MIS18BP1: variants seen among roughly 807,000 people sequenced by gnomAD.
The protein encoded by MIS18BP1 is MIS18 binding protein 1, also known as mis18-binding protein 1.
A neutral mutation model predicts 116.1 loss-of-function variants in MIS18BP1; 72 were observed. The observed-to-expected ratio is 0.62, with a 90% CI of 0.51 to 0.75. The LOEUF is 0.75. Among genes scored for constraint, MIS18BP1 ranks in the 30% least tolerant of loss-of-function variants. The pLI is 0.00. For missense variants in MIS18BP1, 1,363 were observed against 1,303.2 expected, an observed-to-expected ratio of 1.05 and a Z score of -0.71; for synonymous variants, 386 against 427.0, an observed-to-expected ratio of 0.90 and a Z score of 1.18.
chr14:45,217,580 C>T (rs1890857229), intron 12 of MIS18BP1, among the ~76,000 whole-genome samples: 1 of 151,784 alleles, frequency 6.6e-6, no homozygotes, highest in Non-Finnish European at 1.5e-5. Flanking sequence ...TAAGATTAGG[C>T]AGGGTGAGGT....
intron 8 of MIS18BP1, among the ~76,000 whole-genome samples, chr14:45,229,791 G>A (rs1891226064): frequency 6.6e-6 from 1 of 152,142 alleles, no homozygotes; most frequent in Non-Finnish European, 1.5e-5. Flanking sequence ...AAAGTAGAGA[G>A]CAGGTGCCGA....
At chr14:45,235,361 A>T (rs923991596) in intron 6 of MIS18BP1, among the ~76,000 whole-genome samples, 2 of 152,066 alleles carry the variant, frequency 1.3e-5, no homozygotes, top group Non-Finnish European at 2.9e-5. Flanking sequence ...TTGCTATTGC[A>T]TCATTTTTTT....
chr14:45,240,424 C>T (rs1891543885), intron 4 of MIS18BP1, among the ~76,000 whole-genome samples: 2 of 151,986 alleles, frequency 1.3e-5, no homozygotes, highest in South Asian at 4.1e-4. Context: ...GTGGTAAGGA[C>T]ATTGCCCTTT....
chr14:45,218,313 C>G lies in MIS18BP1; in HGVS notation c.2811G>C (p.Lys937Asn), dbSNP rs751735632. ...GGCCTTTGGAATTGGCTGGCTTCTT[C>G]TTAGTGACATGTTTCTGGGATCCTT... ...RGKGSQKHVT[K>N]KKPANSKGQN... The change falls in exon 12 of 17, where the codon AAG becomes AAC. Residue 937 changes from lysine to asparagine, a missense_variant. Lys to Asn is a moderately conservative substitution (Grantham distance 94, BLOSUM62 0). Transcript: ENST00000310806. The G allele has an allele frequency of 1.2e-6, 2 of 1,614,006 alleles. No homozygotes were observed. The highest frequency in any genetic ancestry group is 1.1e-5 in the South Asian group (1 of 91,062).
At chr14:45,221,672 T>G (rs1890980541) in intron 11 of MIS18BP1, among the ~76,000 whole-genome samples, 1 of 152,218 alleles carries the variant, frequency 6.6e-6, no homozygotes, top group Non-Finnish European at 1.5e-5. Context: ...ATGATCTATC[T>G]TGATGAATGA....
At chr14:45,250,391 T>C (rs1891836246) in intron 1 of MIS18BP1, among the ~76,000 whole-genome samples, 1 of 152,152 alleles carries the variant, frequency 6.6e-6, no homozygotes, top group South Asian at 2.1e-4. Context: ...GAAGCTCCAT[T>C]TCCTTCCTAG....
chr14:45,228,231 A>T (rs1267803459), intron 8 of MIS18BP1, among the ~76,000 whole-genome samples: 1 of 152,204 alleles, frequency 6.6e-6, no homozygotes, highest in African/African-American at 2.4e-5. Context: ...CTAGGATATA[A>T]AGCAATTTTA....
chr14:45,209,667 G>A (rs1050366789), intron 14 of MIS18BP1, among the ~76,000 whole-genome samples: 1 of 152,098 alleles, frequency 6.6e-6, no homozygotes, highest in Non-Finnish European at 1.5e-5. Flanking sequence ...CATTTAATTA[G>A]TCCCTACTGA....
At chr14:45,221,727 G>C (rs1159232254) in intron 11 of MIS18BP1, among the ~76,000 whole-genome samples, 1 of 152,142 alleles carries the variant, frequency 6.6e-6, no homozygotes, top group Non-Finnish European at 1.5e-5. Flanking sequence ...TTATTATTGG[G>C]TGGAATGTTC....
At position 45,208,969 on chromosome 14, in the gene MIS18BP1, T is replaced by G. The variant is rs76229191; in HGVS notation, c.3152+1411A>C. ...ATTCTTACTATTTTCCATCTTTTTT[T>G]GGTGACATTTTATTGTTAGTCACCC... is the stretch of plus-strand genomic sequence containing the variant. On this transcript the variant is annotated intron_variant, in intron 14 of 16. Transcript: ENST00000310806. Among the ~76,000 whole-genome samples the G allele has an allele frequency of 1.6e-4, 25 of 152,266 alleles. 1 individual carries two copies. In the East Asian group the frequency reaches 4.8e-3, roughly 29 times the overall value.
chr14:45,241,817 A>G (rs1301425681), intron 4 of MIS18BP1: 4 of 492,260 alleles, frequency 8.1e-6, no homozygotes, highest in Non-Finnish European at 7.1e-6. Flanking sequence ...AAGACTTAAC[A>G]TGTGGGTCTT....
intron 10 of MIS18BP1, among the ~76,000 whole-genome samples, chr14:45,225,609 A>T (rs1891103870): frequency 6.6e-6 from 1 of 152,164 alleles, no homozygotes; most frequent in Non-Finnish European, 1.5e-5. Flanking sequence ...TCATAGAAAC[A>T]CACTCAAAAT....
Position 45,210,413 on chromosome 14 carries a change from T to G in MIS18BP1, c.3119A>C (p.His1040Pro). The change falls in exon 14 of 17, where the codon CAT (histidine) becomes CCT (proline). Residue 1040 changes from histidine (H) to proline (P), a missense_variant. Physicochemically the swap from His to Pro is moderately conservative, Grantham distance 77 (BLOSUM62 -2). Coordinates refer to ENST00000310806, the MANE Select transcript of MIS18BP1 (RefSeq NM_018353.5). The part of the protein sequence containing the change: ...FPLVKTPQCQ[H>P]VSPGMLGSIN... Reference sequence around the variant, plus strand: ...AGAACCTAGCATGCCAGGACTGACATGCTGACATTGAGGAGTTTTTACCAA... The same window carrying G: ...AGAACCTAGCATGCCAGGACTGACAGGCTGACATTGAGGAGTTTTTACCAA... 6.2e-7 allele frequency: 1 copy of G among 1,614,060 alleles called. No homozygotes were observed. Among genetic ancestry groups the G allele is most frequent in the Non-Finnish European group, 8.5e-7 (1 of 1,179,964 alleles).
At chr14:45,225,097 T>C (rs1166380332) in intron 10 of MIS18BP1, among the ~76,000 whole-genome samples, 6 of 152,208 alleles carry the variant, frequency 3.9e-5, no homozygotes, top group African/African-American at 1.4e-4. Flanking sequence ...TTGCTATTTC[T>C]CAGATTTTCT....
At chr14:45,231,100 C>T (rs1234417290) in intron 8 of MIS18BP1, 41 bp downstream of exon 8, 2 of 1,593,348 alleles carry the variant, frequency 1.3e-6, no homozygotes, top group Non-Finnish European at 1.7e-6. Flanking sequence ...CATGTAAGAA[C>T]TTAACCACTG....
intron 13 of MIS18BP1, among the ~76,000 whole-genome samples, chr14:45,213,024 T>G (rs1890718036): frequency 6.6e-6 from 1 of 152,240 alleles, no homozygotes; most frequent in Non-Finnish European, 1.5e-5. Context: ...TCCTTCTGCC[T>G]TATGTTTCCT....
At chr14:45,237,760 A>C (rs775244421) in intron 4 of MIS18BP1, 39 bp from the exon 5 acceptor site, 1 of 1,554,898 alleles carries the variant, frequency 6.4e-7, no homozygotes, top group East Asian at 2.4e-5. Flanking sequence ...TTCCTGTATT[A>C]CTTGCAGCAC....
chr14:45,234,378 A>G (rs879639948), intron 6 of MIS18BP1, among the ~76,000 whole-genome samples: 15 of 152,148 alleles, frequency 9.9e-5, no homozygotes, highest in Non-Finnish European at 2.1e-4. Flanking sequence ...AGGGAGTGTT[A>G]CTGGAATAAC....
intron 9 of MIS18BP1, among the ~76,000 whole-genome samples, chr14:45,227,372 TG>T (rs1260246644): frequency 6.6e-6 from 1 of 151,924 alleles, no homozygotes; most frequent in East Asian, 1.9e-4. Context: ...CCAGGCGTGG[TG>T]GTGCATGCCT....
Sources: gnomAD v4.1 joint callset for allele counts (sites outside exome capture counted in the v4.1 genomes callset) on GRCh38, gnomAD v4.1.1 for gene constraint, MANE v1.5 for transcripts, NCBI Gene and HGNC (gene_info 2026-07-23, HGNC 2026-07-21) for gene names.